The following HMGXB3 variants were observed in gnomAD, a reference collection of about 807,000 sequenced individuals.
The protein encoded by HMGXB3 is HMG-box containing 3, also known as HMG domain-containing protein 3.
A neutral mutation model predicts 121.5 loss-of-function variants in HMGXB3; 45 were observed. The ratio of observed to expected loss-of-function variants is 0.37; its 90% CI spans 0.29 to 0.47. The LOEUF (loss-of-function observed/expected upper bound fraction) is 0.47, where lower values mean the gene tolerates loss of function less well. Ranked by LOEUF, HMGXB3 falls within the 20% of genes least tolerant of loss-of-function variation. The pLI, the probability that HMGXB3 is intolerant of heterozygous loss-of-function variation, is 0.99. For synonymous variants in HMGXB3, 590 were observed against 624.1 expected (o/e 0.95, Z 0.81); for missense variants, 1,376 against 1,602.2 (o/e 0.86, Z 2.41).
rs1168469270 is a variant in HMGXB3 at position 150,053,103 on chromosome 5, C to A, written c.*911C>A. On this transcript the variant is annotated 3_prime_UTR_variant, in exon 20 of 20. Transcript: ENST00000502717. Reference sequence around the variant, plus strand: ...GGCTTTTTTTCCCTCCCTCTTCCCCCAACAAGAATAAAGTTTATTAAATTA... The same window carrying A: ...GGCTTTTTTTCCCTCCCTCTTCCCCAAACAAGAATAAAGTTTATTAAATTA... 5.5e-6 allele frequency: 1 copy of A among 182,578 alleles called. No homozygotes were observed. The highest frequency in any genetic ancestry group is 8.9e-5 in the East Asian group (1 of 11,206). The allele number at this position is 182,578 out of a possible 1,614,324, so 11.3% of individuals were successfully genotyped here.
At chr5:150,022,406 C>T (rs1410977560) in intron 6 of HMGXB3, among the ~76,000 whole-genome samples, 1 of 152,158 alleles carries the variant, frequency 6.6e-6, no homozygotes, top group East Asian at 1.9e-4. Context: ...GGCTGTTTAG[C>T]TCAAGGCTTC....
In HMGXB3 at chr5:150,046,697, A is replaced by G. The variant is rs370669140; in HGVS notation, c.2951-927A>G. Among the ~76,000 whole-genome samples the G allele has an allele frequency of 2.0e-4, 30 of 152,120 alleles. No individual in the cohort carries two copies. In the East Asian group the frequency reaches 5.7e-3, roughly 29 times the overall value. ...CATGGTGGCGGGCGCCTGTAGTCCC[A>G]GCTACTCAGGAGGCTGAGGCAGGAG... On this transcript the variant is annotated intron_variant, in intron 16 of 19. Transcript: ENST00000502717.
Position 150,012,493 on chromosome 5 carries a change from C to T in HMGXB3, c.909+140C>T, listed in dbSNP as rs1031701068. The T allele has an allele frequency of 3.7e-5, 24 of 642,130 alleles. No individual in the cohort carries two copies. In the East Asian group the frequency reaches 4.8e-4, roughly 13 times the overall value. The allele number at this position is 642,130 out of a possible 1,614,324, so 39.8% of individuals were successfully genotyped here. On this transcript the variant is annotated intron_variant, in intron 5 of 19. Coordinates refer to ENST00000502717, the MANE Select transcript of HMGXB3 (RefSeq NM_014983.3). The stretch of plus-strand genomic sequence containing the variant: ...CTAAAAGTCTTAGAACCTCAGGATG[C>T]GAGGACTGGCAAAGATTTCAGGGAT...
intron 6 of HMGXB3, chr5:150,021,713 G>T: frequency 2.0e-6 from 1 of 512,024 alleles, no homozygotes; most frequent in South Asian, 1.4e-5. Flanking sequence ...TTAGAACCTT[G>T]ACCACAAGTT....
At chr5:150,011,891 C>T (rs934087540) in intron 4 of HMGXB3, among the ~76,000 whole-genome samples, 2 of 152,044 alleles carry the variant, frequency 1.3e-5, no homozygotes, top group African/African-American at 2.4e-5. Flanking sequence ...GGATTACAGG[C>T]GTGAGCCGCC....
In HMGXB3 at chr5:150,049,865, C is replaced by T. The variant is rs1239423076; in HGVS notation, c.3202-387C>T. ...AGATGCTTAGACCCTACTTCAGAGACCTTAGTTTCTTAGGTTTGACCTCGG... is the reference window on the plus strand; with the variant it reads ...AGATGCTTAGACCCTACTTCAGAGATCTTAGTTTCTTAGGTTTGACCTCGG... On this transcript the variant is annotated intron_variant, in intron 18 of 19. Coordinates refer to ENST00000502717, the MANE Select transcript of HMGXB3 (RefSeq NM_014983.3). 2.0e-5 allele frequency among the ~76,000 whole-genome samples: 3 copies of T among 152,202 alleles called. No homozygotes were observed. The East Asian group carries it at 5.8e-4, about 29-fold the overall frequency.
chr5:150,032,970 G>C (rs1002788370), intron 11 of HMGXB3, among the ~76,000 whole-genome samples: 1 of 152,190 alleles, frequency 6.6e-6, no homozygotes, highest in Admixed American at 6.5e-5. Context: ...GGTAAATAGA[G>C]AATGCCAACC....
At chr5:150,017,345 A>G (rs779408468) in intron 5 of HMGXB3, among the ~76,000 whole-genome samples, 1 of 152,222 alleles carries the variant, frequency 6.6e-6, no homozygotes, top group Non-Finnish European at 1.5e-5. Flanking sequence ...GAGATGTTTT[A>G]TATTCCACTA....
chr5:150,030,602 C>T, intron 9 of HMGXB3, 139 bp from the exon 10 acceptor site: 1 of 638,326 alleles, frequency 1.6e-6, no homozygotes, highest in East Asian at 2.8e-5. Flanking sequence ...TGACTGCCAA[C>T]TGGCAGTCCA....
rs1184146545 is a variant in HMGXB3, at chr5:150,028,501, A to ATGTGTGTGTGTGTGTGTG, written c.1734+1387_1734+1388insGTGTGTGTGTGTGTGTGT. Among the ~76,000 whole-genome samples the ATGTGTGTGTGTGTGTGTG allele has an allele frequency of 1.0e-4, 10 of 96,838 alleles. 1 individual carries two copies. Among genetic ancestry groups the ATGTGTGTGTGTGTGTGTG allele is most frequent in the African/African-American group, 4.0e-4 (10 of 25,102 alleles). The allele number at this position is 96,838 out of a possible 152,430, so 63.5% of individuals were successfully genotyped here. On this transcript the variant is annotated intron_variant, in intron 9 of 19. Coordinates refer to ENST00000502717, the MANE Select transcript of HMGXB3 (RefSeq NM_014983.3). ...TTGATATATATATGTATATATATGT[A>ATGTGTGTGTGTGTGTGTG]TGTATGTGTGTGTGTGTGTGTGTGT...
In HMGXB3 at chr5:150,032,593, C is replaced by T. The variant is rs1432698299; in HGVS notation, c.1973C>T (p.Thr658Ile). ...GCCAAAGACCGGACTGAGAAAACCA[C>T]CAAGGCTATCGTGAGTTCCTTCCCC... ...NLAKDRTEKT[T>I]KAIEVSSPLP... is the part of the protein sequence containing the mutation. Residue 658 changes from threonine (T) to isoleucine (I), a missense_variant, in exon 11 of 20, where the codon ACC (threonine) becomes ATC (isoleucine). Physicochemically the swap from Thr to Ile is moderately conservative, Grantham distance 89. Transcript: ENST00000502717. 3.2e-6 allele frequency: 5 copies of T among 1,552,184 alleles called. No homozygotes were observed. The highest frequency in any genetic ancestry group is 4.4e-6 in the Non-Finnish European group (5 of 1,147,114).
At chr5:150,016,709 C>G (rs1357210701) in intron 5 of HMGXB3, among the ~76,000 whole-genome samples, 1 of 152,174 alleles carries the variant, frequency 6.6e-6, no homozygotes. Context: ...CTGACAGTCT[C>G]TGTCTTTAAA....
At chr5:150,018,521 T>G in intron 5 of HMGXB3, 45 bp from the exon 6 acceptor site, 6 of 1,472,818 alleles carry the variant, frequency 4.1e-6, no homozygotes, top group Non-Finnish European at 5.4e-6. Flanking sequence ...GTCATCAGTC[T>G]GAGAGAGGTT....
Position 150,012,280 on chromosome 5 carries a change from C to T in HMGXB3, c.836C>T (p.Ala279Val), listed in dbSNP as rs370616661. ...MRDSSESSSS[A>V]PATQFIMLPL... ...GATTCCAGTGAGAGTAGCTCCTCTG[C>T]ACCAGCCACACAGTTCATCATGTTG... Residue 279 changes from alanine to valine, a missense_variant, in exon 5 of 20, where the codon GCA becomes GTA. Ala to Val is a moderately conservative substitution (Grantham distance 64). This residue lies in a region of HMGXB3 where 1,116 missense variants were observed against 1,369.0 expected (regional missense o/e 0.82). Coordinates refer to ENST00000502717, the MANE Select transcript of HMGXB3 (RefSeq NM_014983.3). The T allele has an allele frequency of 1.3e-5, 20 of 1,552,114 alleles. No individual in the cohort carries two copies. The African/African-American group carries it at 2.7e-4, about 21-fold the overall frequency.
At position 150,024,315 on chromosome 5, in the gene HMGXB3, C is replaced by T; in HGVS notation, c.1095C>T (p.Gly365=). The T allele has an allele frequency of 1.9e-6, 3 of 1,551,640 alleles. No individual in the cohort carries two copies. Among genetic ancestry groups the T allele is most frequent in the South Asian group, 2.4e-5 (2 of 84,030 alleles). Residue 365 remains glycine, a synonymous_variant, in exon 7 of 20, where the codon GGC becomes GGT. Transcript: ENST00000502717. ...TGGCTTCTGGCGTCTCTTCCAAAGG[C>T]TCTGTGGTGAAAAGAAATCAGCAAC... ...VELASGVSSK[G]SVVKRNQQPV...
intron 5 of HMGXB3, among the ~76,000 whole-genome samples, chr5:150,014,555 A>C (rs1167150793): frequency 6.6e-6 from 1 of 152,200 alleles, no homozygotes; most frequent in Non-Finnish European, 1.5e-5. Context: ...GCCCCCAGCT[A>C]CATCTAAAGC....
At position 150,006,620 on chromosome 5, in the gene HMGXB3, C is replaced by G; in HGVS notation, c.285C>G (p.Ala95=). 6.4e-7 allele frequency: 1 copy of G among 1,552,232 alleles called. No homozygotes were observed. Among genetic ancestry groups the G allele is most frequent in the East Asian group, 2.4e-5 (1 of 40,916 alleles). The change falls in exon 3 of 20, where the codon GCC becomes GCG. Residue 95 remains alanine, a synonymous_variant. Transcript: ENST00000502717. ...VAERSYYLEK[A]KLEKEGLDPN... The stretch of plus-strand genomic sequence containing the variant: ...AGAGGAGTTACTACTTGGAGAAAGC[C>G]AAACTAGAGAAGGAAGGTTTGGATC...
chr5:150,012,152 A>G (rs927341662), intron 4 of HMGXB3, 103 bp from the exon 5 acceptor site: 1 of 759,018 alleles, frequency 1.3e-6, no homozygotes, highest in Non-Finnish European at 2.3e-6. Context: ...GGATGAGTAC[A>G]CTGTCTGTTA....
chr5:150,044,897 C>T (rs1270884260), intron 15 of HMGXB3, among the ~76,000 whole-genome samples: 2 of 152,128 alleles, frequency 1.3e-5, no homozygotes, highest in Non-Finnish European at 2.9e-5. Flanking sequence ...GTAAATGCTG[C>T]CCTGGGTAGA....
Sources: gnomAD v4.1 joint callset for allele counts (sites outside exome capture counted in the v4.1 genomes callset) on GRCh38, gnomAD v4.1.1 for gene constraint, gnomAD v4.1.1 regional missense constraint, MANE v1.5 for transcripts, NCBI Gene and HGNC (gene_info 2026-07-23, HGNC 2026-07-21) for gene names.